ANO10: variants seen among roughly 807,000 people sequenced by gnomAD.
ANO10 encodes the protein anoctamin-10.
In ANO10, 77 loss-of-function variants were observed where a neutral mutation model predicts 74.7. The observed-to-expected ratio is 1.03, with a 90% CI of 0.86 to 1.25. The LOEUF (loss-of-function observed/expected upper bound fraction) is 1.25, where lower values mean the gene tolerates loss of function less well. ANO10 is among the 50% of genes most tolerant of loss of function. The pLI is 0.00. For missense variants in ANO10, 721 were observed against 778.1 expected (o/e 0.93, Z 0.87); for synonymous variants, 279 against 284.9 (o/e 0.98, Z 0.21).
chr3:43,665,078 A>G (rs922072734), intron 1 of ANO10, among the ~76,000 whole-genome samples: 1 of 152,214 alleles, frequency 6.6e-6, no homozygotes, highest in African/African-American at 2.4e-5. Flanking sequence ...ATGCACATGT[A>G]TGTTTACTGT....
chr3:43,576,970 T>A lies in ANO10; in HGVS notation c.884A>T (p.Asn295Ile), dbSNP rs144349000. ...AGGCTCCTCCTTCCCAGTGATGGAA[T>A]TGATACCCAAGACACCATGAAATCC... ...RPGFHGVLGI[N>I]SITGKEEPLY... Residue 295 changes from asparagine (N) to isoleucine (I), a missense_variant, in exon 6 of 13, where the codon AAT (asparagine) becomes ATT (isoleucine). By Grantham distance (149) the Asn-to-Ile change is moderately radical. Transcript: ENST00000292246. The A allele has an allele frequency of 1.9e-6, 3 of 1,613,950 alleles. No homozygotes were observed. The highest frequency in any genetic ancestry group is 2.5e-6 in the Non-Finnish European group (3 of 1,179,822).
chr3:43,655,554 G>C (rs1026080283), intron 1 of ANO10, among the ~76,000 whole-genome samples: 3 of 152,226 alleles, frequency 2.0e-5, no homozygotes, highest in African/African-American at 7.2e-5. Flanking sequence ...CCCCACCCAT[G>C]TCCTGCTGAT....
chr3:43,504,861 T>G (rs1466631665), intron 11 of ANO10, among the ~76,000 whole-genome samples: 1 of 152,124 alleles, frequency 6.6e-6, no homozygotes, highest in Non-Finnish European at 1.5e-5. Flanking sequence ...AGGCTGGTCT[T>G]GAACTCCTGA....
At chr3:43,530,507 T>C (rs2149246808) in intron 11 of ANO10, among the ~76,000 whole-genome samples, 1 of 151,286 alleles carries the variant, frequency 6.6e-6, no homozygotes, top group Non-Finnish European at 1.5e-5. Flanking sequence ...ATATAATAGG[T>C]ATGTAGTAGT....
chr3:43,684,065 C>A (rs929903270), intron 1 of ANO10, among the ~76,000 whole-genome samples: 2 of 151,990 alleles, frequency 1.3e-5, no homozygotes, highest in African/African-American at 4.8e-5. Flanking sequence ...GCAACAAAAG[C>A]CAAAATTGAC....
At chr3:43,529,543 T>A (rs1469211790) in intron 11 of ANO10, among the ~76,000 whole-genome samples, 1 of 152,134 alleles carries the variant, frequency 6.6e-6, no homozygotes, top group Admixed American at 6.6e-5. Context: ...AGGAAAACTT[T>A]GGCAAGATGA....
chr3:43,408,560 T>A (rs1377197156), intron 12 of ANO10, among the ~76,000 whole-genome samples: 1 of 152,222 alleles, frequency 6.6e-6, no homozygotes, highest in Non-Finnish European at 1.5e-5. Context: ...GATTGTCTGA[T>A]GACTGAAGAA....
chr3:43,618,015 CT>C (rs1182928200), intron 1 of ANO10: 1 of 152,276 alleles, frequency 6.6e-6, no homozygotes, highest in Non-Finnish European at 1.5e-5. Context: ...AGAGACACTA[CT>C]TACCTACAGG....
chr3:43,691,432 C>G (rs59993156), intron 1 of ANO10: 9,932 of 164,054 alleles, frequency 0.061, 521 homozygotes, highest in African/African-American at 0.13. Flanking sequence ...GGGCGGTGCC[C>G]GGTCGACCCT....
chr3:43,525,549 G>A (rs1232308472), intron 11 of ANO10, among the ~76,000 whole-genome samples: 2 of 152,138 alleles, frequency 1.3e-5, no homozygotes, highest in Non-Finnish European at 2.9e-5. Flanking sequence ...CCCCCACGAG[G>A]CACAGTTAAC....
At chr3:43,455,512 G>C (rs961615341) in intron 11 of ANO10, among the ~76,000 whole-genome samples, 9 of 152,000 alleles carry the variant, frequency 5.9e-5, no homozygotes, top group African/African-American at 2.2e-4. Context: ...TTAAGTCCTT[G>C]AGGAATGGGG....
At chr3:43,469,929 G>C (rs1469298677) in intron 11 of ANO10, among the ~76,000 whole-genome samples, 1 of 152,120 alleles carries the variant, frequency 6.6e-6, no homozygotes. Context: ...AAACATTCTT[G>C]GACATACTGT....
chr3:43,535,510 G>A (rs1382698584), intron 11 of ANO10, among the ~76,000 whole-genome samples: 1 of 151,988 alleles, frequency 6.6e-6, no homozygotes, highest in Non-Finnish European at 1.5e-5. Flanking sequence ...TCTTGACCTC[G>A]TGATCCACCT....
chr3:43,611,257 C>T (rs114308842), intron 1 of ANO10, among the ~76,000 whole-genome samples: 137 of 152,262 alleles, frequency 9.0e-4, no homozygotes, highest in African/African-American at 3.2e-3. Flanking sequence ...TGGGGAGATA[C>T]AAGACAGGGA....
chr3:43,382,652 G>C (rs2092001310), intron 12 of ANO10, among the ~76,000 whole-genome samples: 1 of 152,048 alleles, frequency 6.6e-6, no homozygotes. Context: ...ATTAAGAAGA[G>C]AGAAGATCCA....
At chr3:43,403,557 G>C (rs1163180213) in intron 12 of ANO10, among the ~76,000 whole-genome samples, 3 of 152,192 alleles carry the variant, frequency 2.0e-5, no homozygotes, top group Non-Finnish European at 4.4e-5. Flanking sequence ...TCACCAAATA[G>C]GGCTGGAAGC....
At chr3:43,619,557 C>A (rs949631265) in intron 1 of ANO10, among the ~76,000 whole-genome samples, 1 of 151,954 alleles carries the variant, frequency 6.6e-6, no homozygotes, top group Non-Finnish European at 1.5e-5. Flanking sequence ...TTAAAAAGAG[C>A]CTCTTCCAGG....
intron 9 of ANO10, among the ~76,000 whole-genome samples, chr3:43,557,265 T>C (rs1367184197): frequency 6.6e-6 from 1 of 151,990 alleles, no homozygotes; most frequent in Non-Finnish European, 1.5e-5. Context: ...TGGGGTACAA[T>C]GGTGGTATAC....
intron 11 of ANO10, among the ~76,000 whole-genome samples, chr3:43,437,672 C>T (rs2093090582): frequency 6.6e-6 from 1 of 152,098 alleles, no homozygotes; most frequent in Admixed American, 6.5e-5. Flanking sequence ...AAGAAGCTGG[C>T]AAGCCTTTTT....
Sources: allele counts gnomAD v4.1 joint callset (sites outside exome capture counted in the v4.1 genomes callset), GRCh38; gene constraint gnomAD v4.1.1; transcripts MANE v1.5; gene names NCBI Gene and HGNC (gene_info 2026-07-23, HGNC 2026-07-21).